Variants in HS3ST5 observed in about 807,000 individuals in gnomAD.
The protein encoded by HS3ST5 is heparan sulfate glucosamine 3-O-sulfotransferase 5.
Under a neutral mutation model 25.4 loss-of-function variants are expected in HS3ST5, and 10 were observed. The ratio of observed to expected loss-of-function variants is 0.39; its 90% confidence interval spans 0.24 to 0.67. The LOEUF is 0.67. HS3ST5 is among the 30% of genes least tolerant of loss of function. The probability of loss-of-function intolerance (pLI) is 0.44; values close to 1 mark genes in which losing one functional copy is unlikely to be tolerated. For synonymous variants in HS3ST5, 170 were observed against 162.4 expected (o/e 1.05, Z -0.36); for missense variants, 324 against 420.7 (o/e 0.77, Z 2.01).
intron 1 of HS3ST5, among the ~76,000 whole-genome samples, chr6:114,298,216 T>C (rs193225110): frequency 7.9e-5 from 12 of 152,346 alleles, no homozygotes; most frequent in Admixed American, 7.2e-4. Context: ...AATATATAAA[T>C]GACCATGATG....
chr6:114,181,317 C>G (rs1024417728), intron 2 of HS3ST5, among the ~76,000 whole-genome samples: 6 of 152,130 alleles, frequency 3.9e-5, no homozygotes, highest in African/African-American at 1.4e-4. Context: ...TCACCCAAAC[C>G]ATGGATATCT....
intron 1 of HS3ST5, among the ~76,000 whole-genome samples, chr6:114,296,569 A>G (rs1774832750): frequency 6.6e-6 from 1 of 152,204 alleles, no homozygotes; most frequent in Non-Finnish European, 1.5e-5. Context: ...ATATTCCGAA[A>G]GATGTTGTTT....
intron 3 of HS3ST5, among the ~76,000 whole-genome samples, chr6:114,068,380 A>G (rs1773592862): frequency 6.6e-6 from 1 of 152,246 alleles, no homozygotes; most frequent in Non-Finnish European, 1.5e-5. Flanking sequence ...CTAAGATACA[A>G]TATCATAGCA....
intron 2 of HS3ST5, among the ~76,000 whole-genome samples, chr6:114,197,321 C>A (rs1780809839): frequency 6.6e-6 from 1 of 152,020 alleles, no homozygotes; most frequent in Non-Finnish European, 1.5e-5. Context: ...ACCTTAAAAA[C>A]ATTTTAATAT....
chr6:114,084,659 T>C, intron 3 of HS3ST5: 3 of 1,096,456 alleles, frequency 2.7e-6, no homozygotes, highest in South Asian at 2.5e-5. Context: ...GAGAGGCTGA[T>C]GGTCAGCCCT....
intron 3 of HS3ST5, among the ~76,000 whole-genome samples, chr6:114,151,084 T>A (rs912920187): frequency 1.3e-5 from 2 of 152,192 alleles, no homozygotes; most frequent in African/African-American, 2.4e-5. Context: ...TGGCTGACTC[T>A]GATAGAATGA....
chr6:114,325,824 A>G (rs1252911363), intron 1 of HS3ST5, among the ~76,000 whole-genome samples: 1 of 151,724 alleles, frequency 6.6e-6, no homozygotes. Flanking sequence ...TTCCCTCACA[A>G]CCTCTTTTCT....
In HS3ST5 at chr6:114,086,368, A is replaced by G. The variant is rs184504620; in HGVS notation, c.-32-23491T>C. On this transcript the variant is annotated intron_variant, in intron 3 of 4. Transcript: ENST00000312719. ...TTAACATAGTGTTGCTAGTTTGAAG[A>G]TGCAAGGATTTGGAAAGCAGCCTCT... 6.6e-5 allele frequency among the ~76,000 whole-genome samples: 10 copies of G among 152,302 alleles called. No individual in the cohort carries two copies. The East Asian group carries it at 1.4e-3, about 21-fold the overall frequency.
intron 1 of HS3ST5, among the ~76,000 whole-genome samples, chr6:114,316,597 A>G (rs958373489): frequency 2.0e-5 from 3 of 152,100 alleles, no homozygotes; most frequent in Non-Finnish European, 4.4e-5. Flanking sequence ...CCAAAAAGTG[A>G]AAAAAAATTA....
chr6:114,152,091 C>T (rs1023251914), intron 3 of HS3ST5, among the ~76,000 whole-genome samples: 3 of 151,884 alleles, frequency 2.0e-5, no homozygotes, highest in African/African-American at 4.8e-5. Flanking sequence ...CCACCATGCC[C>T]GGCGAATTTT....
intron 3 of HS3ST5, among the ~76,000 whole-genome samples, chr6:114,151,124 A>G (rs1458867244): frequency 1.3e-5 from 2 of 152,216 alleles, no homozygotes; most frequent in Non-Finnish European, 2.9e-5. Flanking sequence ...GCTGAGGCAA[A>G]GGAATGACCC....
intron 1 of HS3ST5, among the ~76,000 whole-genome samples, chr6:114,260,467 C>G (rs936534898): frequency 1.3e-5 from 2 of 152,062 alleles, no homozygotes; most frequent in African/African-American, 4.8e-5. Flanking sequence ...CAGTAAGATA[C>G]TAGTTTAAAG....
intron 1 of HS3ST5, among the ~76,000 whole-genome samples, chr6:114,273,308 GA>G (rs1773711476): frequency 6.6e-6 from 1 of 152,036 alleles, no homozygotes; most frequent in Non-Finnish European, 1.5e-5. Context: ...ACTGAGATGG[GA>G]AAAGGTGCTG....
chr6:114,172,335 A>G (rs1779510676), intron 2 of HS3ST5, among the ~76,000 whole-genome samples: 1 of 152,220 alleles, frequency 6.6e-6, no homozygotes, highest in African/African-American at 2.4e-5. Context: ...TGCAAAGAAT[A>G]TGAGTAACAC....
chr6:114,062,369 A>C (rs984890008), intron 4 of HS3ST5, among the ~76,000 whole-genome samples: 1 of 152,178 alleles, frequency 6.6e-6, no homozygotes, highest in Non-Finnish European at 1.5e-5. Flanking sequence ...TCCACTCATA[A>C]ATTTCAAAAG....
chr6:114,288,344 GTACA>G (rs1774427315), intron 1 of HS3ST5, among the ~76,000 whole-genome samples: 2 of 151,954 alleles, frequency 1.3e-5, no homozygotes, highest in African/African-American at 2.4e-5. Context: ...CAATGCAATG[GTACA>G]TTTTATTTTA....
intron 2 of HS3ST5, among the ~76,000 whole-genome samples, chr6:114,177,961 T>C (rs527311102): frequency 6.6e-6 from 1 of 152,168 alleles, no homozygotes; most frequent in Non-Finnish European, 1.5e-5. Flanking sequence ...AACATGAAAA[T>C]TTTTTGGAAT....
chr6:114,224,843 T>A (rs9481433), intron 2 of HS3ST5, among the ~76,000 whole-genome samples: 68,406 of 151,272 alleles, frequency 0.45, 15,587 homozygotes, highest in Middle Eastern at 0.48. Context: ...TTAGATTTAG[T>A]GCTAGAGTTA....
chr6:114,107,928 T>A (rs1481151436), intron 3 of HS3ST5, among the ~76,000 whole-genome samples: 1 of 152,182 alleles, frequency 6.6e-6, no homozygotes, highest in Non-Finnish European at 1.5e-5. Flanking sequence ...TTATATTAAT[T>A]TATAGATTCA....
Sources: allele counts gnomAD v4.1 joint callset (sites outside exome capture counted in the v4.1 genomes callset), GRCh38; gene constraint gnomAD v4.1.1; transcripts MANE v1.5; gene names NCBI Gene and HGNC (gene_info 2026-07-23, HGNC 2026-07-21).